ZNF860: variants seen among roughly 807,000 people sequenced by gnomAD.
ZNF860 encodes the protein zinc finger protein 860.
For missense variants in ZNF860, 641 were observed against 759.2 expected (o/e 0.84, Z 1.83); for synonymous variants, 206 against 248.9 (o/e 0.83, Z 1.62).
the ZNF860 span, among the ~76,000 whole-genome samples, chr3:32,001,396 A>G: frequency 6.6e-6 from 1 of 152,158 alleles, no homozygotes; most frequent in Non-Finnish European, 1.5e-5. Context: ...GTATTACTTG[A>G]GGGTCTCTGG....
downstream of ZNF860, among the ~76,000 whole-genome samples, chr3:31,995,227 T>C (rs1164316845): frequency 6.6e-6 from 1 of 152,098 alleles, no homozygotes. Flanking sequence ...CAGGCTGGGA[T>C]TTCCCAATCC....
chr3:31,989,033 C>T lies in ZNF860; in HGVS notation c.-47C>T, dbSNP rs180756615. 52 of 1,602,450 alleles carry T rather than the reference C, an allele frequency of 3.2e-5. 1 individual carries two copies. The South Asian group carries it at 4.6e-4, about 14-fold the overall frequency. On this transcript the variant is annotated 5_prime_UTR_variant, in exon 2 of 2. Transcript: ENST00000360311. Reference sequence around the variant, plus strand: ...AACTAATACAGAGCAGGAAGCAGATCGCCTCAGTGAAGGTCACACTGCAGC... The same window carrying T: ...AACTAATACAGAGCAGGAAGCAGATTGCCTCAGTGAAGGTCACACTGCAGC...
the ZNF860 span, among the ~76,000 whole-genome samples, chr3:32,000,320 G>C: frequency 6.6e-6 from 1 of 152,046 alleles, no homozygotes; most frequent in South Asian, 2.1e-4. Context: ...CTTATAATAC[G>C]GGCTCAAAGA....
downstream of ZNF860, among the ~76,000 whole-genome samples, chr3:31,995,877 T>C (rs1699086368): frequency 1.3e-5 from 2 of 152,196 alleles, no homozygotes; most frequent in South Asian, 4.1e-4. Flanking sequence ...GTGTGATCAA[T>C]GCAGTGCAAA....
chr3:31,989,347 GA>G lies in ZNF860; in HGVS notation c.271del (p.Arg91AspfsTer38). 6.2e-7 allele frequency: 1 copy of G among 1,614,206 alleles called. No homozygotes were observed. The highest frequency in any genetic ancestry group is 1.1e-5 in the South Asian group (1 of 91,076). On this transcript the variant is annotated frameshift_variant, in exon 2 of 2. Coordinates refer to ENST00000360311, the MANE Select transcript of ZNF860 (RefSeq NM_001137674.3). LOFTEE classifies it low-confidence loss of function (END_TRUNC). ...GNTEVDTGTLERHESHHIGDF... is the reference protein window; with the variant it reads ...GNTEVDTGTLXRHESHHIGDF... ...TACAGAAGTGGACACAGGGACATTA[GA>G]AAGACATGAAAGTCATCACATTGGA...
Position 31,988,975 on chromosome 3 carries a change from A to G in ZNF860, c.-105A>G, listed in dbSNP as rs188337436. The G allele has an allele frequency of 1.6e-3, 2,378 of 1,477,860 alleles. 5 individuals carry two copies. The highest frequency in any genetic ancestry group is 2.0e-3 in the Non-Finnish European group (2,140 of 1,086,372). 91.5% of individuals were successfully genotyped at this position (1,477,860 alleles called of 1,614,324 possible). ...TCAGTGTTTGTTGCCTTAAGCCACG[A>G]AGTTTGTGATAATTTGTTTCTCGGA... is the stretch of plus-strand genomic sequence containing the variant. On this transcript the variant is annotated 5_prime_UTR_variant, in exon 2 of 2. Coordinates refer to ENST00000360311, the MANE Select transcript of ZNF860 (RefSeq NM_001137674.3).
the ZNF860 span, among the ~76,000 whole-genome samples, chr3:32,006,146 A>G: frequency 6.6e-6 from 1 of 151,648 alleles, no homozygotes; most frequent in Non-Finnish European, 1.5e-5. Context: ...GGGTTTCACC[A>G]TGTTGGCCAG....
the ZNF860 span, among the ~76,000 whole-genome samples, chr3:31,997,988 C>G: frequency 6.6e-6 from 1 of 151,898 alleles, no homozygotes; most frequent in Admixed American, 6.6e-5. Context: ...AGACTGGGTC[C>G]CACTCTGTTG....
chr3:31,982,359 T>A (rs977626276), intron 1 of ZNF860, among the ~76,000 whole-genome samples: 34 of 151,886 alleles, frequency 2.2e-4, no homozygotes, highest in Non-Finnish European at 2.9e-4. Flanking sequence ...ACTCTCTCTC[T>A]CACACACACA....
the ZNF860 span, among the ~76,000 whole-genome samples, chr3:31,998,003 G>C: frequency 3.2e-4 from 49 of 152,154 alleles, no homozygotes; most frequent in Admixed American, 2.9e-3. Flanking sequence ...CTGTTGCCCA[G>C]ACTGGTCTCA....
At chr3:31,994,274 C>A (rs1452610804), downstream of ZNF860, among the ~76,000 whole-genome samples, 1 of 152,084 alleles carries the variant, frequency 6.6e-6, no homozygotes, top group Admixed American at 6.5e-5. Flanking sequence ...TGTATTTGAA[C>A]GTGGGTGGAG....
chr3:32,000,572 A>C, the ZNF860 span, among the ~76,000 whole-genome samples: 1 of 152,204 alleles, frequency 6.6e-6, no homozygotes, highest in African/African-American at 2.4e-5. Context: ...ACACTCTAAA[A>C]GCATTTCTAT....
At chr3:32,002,972 T>G in the ZNF860 span, among the ~76,000 whole-genome samples, 195 of 152,296 alleles carry the variant, frequency 1.3e-3, 1 homozygote, top group African/African-American at 4.4e-3. Context: ...GGGTTTAATT[T>G]AGACTTCATT....
chr3:31,997,591 T>A, the ZNF860 span, among the ~76,000 whole-genome samples: 8 of 151,586 alleles, frequency 5.3e-5, no homozygotes, highest in Non-Finnish European at 8.8e-5. Flanking sequence ...AAAGGAGAGT[T>A]AGTGAATTAG....
chr3:31,994,142 T>C (rs1699064319), downstream of ZNF860, among the ~76,000 whole-genome samples: 1 of 152,264 alleles, frequency 6.6e-6, no homozygotes, highest in Non-Finnish European at 1.5e-5. Context: ...ACACACTATA[T>C]GATTTTCTTG....
At chr3:31,986,946 G>T (rs1458002507) in intron 1 of ZNF860, among the ~76,000 whole-genome samples, 1 of 152,152 alleles carries the variant, frequency 6.6e-6, no homozygotes, top group Non-Finnish European at 1.5e-5. Flanking sequence ...ATTTGAGGCT[G>T]CAGTGAGCTA....
chr3:32,005,015 T>G, the ZNF860 span, among the ~76,000 whole-genome samples: 1 of 152,166 alleles, frequency 6.6e-6, no homozygotes, highest in Non-Finnish European at 1.5e-5. Flanking sequence ...CATACAGAAG[T>G]GGTATCACAC....
chr3:31,995,214 T>A (rs1699077937), downstream of ZNF860, among the ~76,000 whole-genome samples: 1 of 152,192 alleles, frequency 6.6e-6, no homozygotes, highest in Admixed American at 6.5e-5. Flanking sequence ...ACCTCAAATT[T>A]ACCAGGCTGG....
Position 31,991,150 on chromosome 3 carries a change from C to A in ZNF860, c.*172C>A. The A allele has an allele frequency of 1.4e-6, 1 of 727,220 alleles. No homozygotes were observed. The highest frequency in any genetic ancestry group is 2.3e-6 in the Non-Finnish European group (1 of 442,860). The allele number at this position is 727,220 out of a possible 1,614,324, so 45.0% of individuals were successfully genotyped here. ...GCATTAATTGACATTAAAGTGTTTA[C>A]GTTAAGAGGATTGGGCTGGGCAGGG... On this transcript the variant is annotated 3_prime_UTR_variant, in exon 2 of 2. Coordinates refer to ENST00000360311, the MANE Select transcript of ZNF860 (RefSeq NM_001137674.3).
Sources: gnomAD v4.1 joint callset for allele counts (sites outside exome capture counted in the v4.1 genomes callset) on GRCh38, gnomAD v4.1.1 for gene constraint, MANE v1.5 for transcripts, NCBI Gene and HGNC (gene_info 2026-07-23, HGNC 2026-07-21) for gene names.